The following RFC1 variants were observed in gnomAD, a reference collection of about 807,000 sequenced individuals.
The protein encoded by RFC1 is replication factor C subunit 1.
Under a neutral mutation model 137.4 loss-of-function variants are expected in RFC1, and 37 were observed. The ratio of observed to expected loss-of-function variants is 0.27; its 90% confidence interval spans 0.21 to 0.35. The LOEUF (loss-of-function observed/expected upper bound fraction) is 0.35. Among genes scored for constraint, RFC1 ranks in the 10% least tolerant of loss-of-function variants. The pLI is 1.00. For synonymous variants in RFC1, 429 were observed against 455.7 expected, an observed-to-expected ratio of 0.94 and a Z score of 0.75; for missense variants, 1,205 against 1,358.5, an observed-to-expected ratio of 0.89 and a Z score of 1.78.
At position 39,366,254 on chromosome 4, in the gene RFC1, A is replaced by C. The variant is rs763418142; in HGVS notation, c.-13T>G. On this transcript the variant is annotated 5_prime_UTR_variant, in exon 1 of 25. Transcript: ENST00000349703. ...AGCGGCTCACCATCGCAGCCCCAGG[A>C]TGAAGGCGCTGGCTGGCTGGCGGGT... 6.5e-6 allele frequency: 10 copies of C among 1,542,944 alleles called. No homozygotes were observed. Among genetic ancestry groups the C allele is most frequent in the African/African-American group, 2.8e-5 (2 of 72,272 alleles).
At chr4:39,328,180 CT>C (rs17334874) in intron 4 of RFC1, among the ~76,000 whole-genome samples, 64,886 of 151,952 alleles carry the variant, frequency 0.43, 16,327 homozygotes, top group East Asian at 0.63. Flanking sequence ...CTTTTTCCCC[CT>C]ATCTCCAAAA....
At chr4:39,314,349 T>C (rs1739127165) in intron 10 of RFC1, among the ~76,000 whole-genome samples, 2 of 152,160 alleles carry the variant, frequency 1.3e-5, no homozygotes, top group Admixed American at 1.3e-4. Flanking sequence ...CTATATCCCA[T>C]ATCCCAAACA....
intron 7 of RFC1, among the ~76,000 whole-genome samples, chr4:39,322,963 T>TA (rs1288958376): frequency 6.6e-6 from 1 of 152,082 alleles, no homozygotes; most frequent in Non-Finnish European, 1.5e-5. Context: ...CACACACCTG[T>TA]AGTCTCAGCT....
chr4:39,360,217 T>G (rs1003997708), intron 1 of RFC1, among the ~76,000 whole-genome samples: 1 of 151,398 alleles, frequency 6.6e-6, no homozygotes, highest in African/African-American at 2.4e-5. Context: ...AATACAAAAA[T>G]CGGCCAGGTG....
intron 4 of RFC1, among the ~76,000 whole-genome samples, chr4:39,334,060 G>A (rs2109707908): frequency 6.6e-6 from 1 of 151,964 alleles, no homozygotes; most frequent in East Asian, 1.9e-4. Flanking sequence ...AAAAGGGAGG[G>A]TAATTCTCAA....
chr4:39,288,924 A>ATGAGTAAATGAAAT, intron 24 of RFC1, 80 bp from the exon 25 acceptor site: 1 of 883,176 alleles, frequency 1.1e-6, no homozygotes, highest in African/African-American at 1.7e-5. Context: ...TAACAAATCT[A>ATGAGTAAATGAAAT]ATCTTTACCT....
At chr4:39,366,168 G>C in intron 1 of RFC1, 71 bp downstream of exon 1, 2 of 1,509,658 alleles carry the variant, frequency 1.3e-6, no homozygotes, top group Non-Finnish European at 1.8e-6. Flanking sequence ...CATACCAGGA[G>C]TGCCCGGTCC....
chr4:39,357,193 TA>T (rs1346264168), intron 1 of RFC1, among the ~76,000 whole-genome samples: 1 of 152,022 alleles, frequency 6.6e-6, no homozygotes, highest in Non-Finnish European at 1.5e-5. Flanking sequence ...GGAACAGAAA[TA>T]GAGAATAGAA....
chr4:39,327,794 T>A, intron 4 of RFC1, 38 bp from the exon 5 acceptor site: 1 of 1,423,324 alleles, frequency 7.0e-7, no homozygotes, highest in Non-Finnish European at 9.5e-7. Context: ...TTATAAAACA[T>A]CAATTCGGTT....
intron 4 of RFC1, among the ~76,000 whole-genome samples, chr4:39,329,127 C>CA (rs71594924): frequency 0.26 from 8,244 of 31,536 alleles, 2,555 homozygotes; most frequent in African/African-American, 0.27. Context: ...CAGTGACTCA[C>CA]AAAAAAAAAA....
intron 1 of RFC1, among the ~76,000 whole-genome samples, chr4:39,352,699 C>T (rs1206261794): frequency 6.6e-6 from 1 of 152,168 alleles, no homozygotes; most frequent in African/African-American, 2.4e-5. Context: ...TCTGAACTAT[C>T]ATCCCTTCAT....
chr4:39,311,639 G>A (rs1738966039), intron 11 of RFC1, 90 bp from the exon 12 acceptor site: 12 of 855,822 alleles, frequency 1.4e-5, no homozygotes, highest in Non-Finnish European at 2.1e-5. Flanking sequence ...GGGCCTATTA[G>A]TAGGTGAAAA....
intron 2 of RFC1, among the ~76,000 whole-genome samples, chr4:39,345,774 C>T (rs1218340802): frequency 1.3e-5 from 2 of 152,028 alleles, no homozygotes; most frequent in South Asian, 2.1e-4. Context: ...AATTTTGCAT[C>T]CCCGCCCCCC....
At position 39,306,719 on chromosome 4, in the gene RFC1, GT is replaced by G. The variant is rs1184247238; in HGVS notation, c.1886-19del. On this transcript the variant is annotated intron_variant, in intron 13 of 24. Coordinates refer to ENST00000349703, the MANE Select transcript of RFC1 (RefSeq NM_002913.5). The stretch of plus-strand genomic sequence containing the variant: ...AAACTTTGCTGCTAGGAAAAAAGAA[GT>G]TCCAGAGTGTCAACCTATATCACCT... 4.8e-6 allele frequency: 7 copies of G among 1,443,778 alleles called. No individual in the cohort carries two copies. The African/African-American group carries it at 9.8e-5, about 20-fold the overall frequency. The allele number at this position is 1,443,778 out of a possible 1,614,324, so 89.4% of individuals were successfully genotyped here. A position where few individuals can be genotyped will look rare whatever the true frequency, so the allele number is the denominator to read the frequency against.
At chr4:39,292,270 A>G (rs1380864319) in intron 22 of RFC1, 1 of 162,516 alleles carries the variant, frequency 6.2e-6, no homozygotes, top group Admixed American at 5.9e-5. Context: ...GTCCCTGATT[A>G]TAACACACAA....
chr4:39,288,989 C>T, intron 24 of RFC1, 145 bp from the exon 25 acceptor site: 2 of 640,530 alleles, frequency 3.1e-6, no homozygotes, highest in Non-Finnish European at 2.7e-6. Context: ...TGAACTACTG[C>T]AACCCATGAA....
chr4:39,322,125 A>T (rs17288181), intron 7 of RFC1, among the ~76,000 whole-genome samples: 1,534 of 152,252 alleles, frequency 0.01, 21 homozygotes, highest in African/African-American at 0.032. Flanking sequence ...TAAAAAAATT[A>T]AAAAAATTAA....
intron 6 of RFC1, among the ~76,000 whole-genome samples, chr4:39,325,315 C>T (rs1039752796): frequency 6.6e-6 from 1 of 152,176 alleles, no homozygotes; most frequent in African/African-American, 2.4e-5. Flanking sequence ...TGTACCAAAC[C>T]TGTTCTGCTT....
chr4:39,332,908 A>T lies in RFC1; in HGVS notation c.332-5152T>A, dbSNP rs527265235. ...CAAGACGGAAGGATCACTTGAGCCC[A>T]GGAGTTCAAGACCAGCCTGGGCAAA... On this transcript the variant is annotated intron_variant, in intron 4 of 24. Transcript: ENST00000349703. Among the ~76,000 whole-genome samples the T allele has an allele frequency of 2.6e-4, 40 of 152,358 alleles. 1 individual carries two copies. Among genetic ancestry groups the T allele is most frequent in the African/African-American group, 9.1e-4 (38 of 41,582 alleles).
Sources: allele counts gnomAD v4.1 joint callset (sites outside exome capture counted in the v4.1 genomes callset), GRCh38; gene constraint gnomAD v4.1.1; transcripts MANE v1.5; gene names NCBI Gene and HGNC (gene_info 2026-07-23, HGNC 2026-07-21).